BNC2: variants seen among roughly 807,000 people sequenced by gnomAD.
BNC2 encodes the protein zinc finger protein basonuclin-2.
A neutral mutation model predicts 76.3 loss-of-function variants in BNC2; 20 were observed. The ratio of observed to expected loss-of-function variants is 0.26; its 90% CI spans 0.18 to 0.38. The LOEUF (loss-of-function observed/expected upper bound fraction) is 0.38, where lower values mean the gene tolerates loss of function less well. BNC2 is among the 10% of genes least tolerant of loss of function. The pLI, the probability that BNC2 is intolerant of heterozygous loss-of-function variation, is 1.00. For missense variants in BNC2, 1,382 were observed against 1,399.8 expected (o/e 0.99, Z 0.20); for synonymous variants, 582 against 514.8 (o/e 1.13, Z -1.77).
chr9:16,415,107 CA>C lies in BNC2; in HGVS notation c.*3881del, dbSNP rs1479523593. The C allele has an allele frequency of 6.6e-6, 1 of 152,122 alleles. No homozygotes were observed. Among genetic ancestry groups the C allele is most frequent in the Non-Finnish European group, 1.5e-5 (1 of 68,020 alleles). The allele number at this position is 152,122 out of a possible 1,614,324, so 9.4% of individuals were successfully genotyped here. ...GCCATGTTGAAAAGGAAAACATTAA[CA>C]CCTTTAAACCTTTAAAAGGCATCAG... On this transcript the variant is annotated 3_prime_UTR_variant, in exon 7 of 7. Transcript: ENST00000380672.
chr9:16,548,196 T>C (rs1381820583), intron 5 of BNC2, among the ~76,000 whole-genome samples: 1 of 152,172 alleles, frequency 6.6e-6, no homozygotes. Flanking sequence ...AAGTCAGTTA[T>C]ACGTTCAAAC....
At chr9:16,475,616 T>C (rs1342273000) in intron 5 of BNC2, among the ~76,000 whole-genome samples, 1 of 152,230 alleles carries the variant, frequency 6.6e-6, no homozygotes, top group Non-Finnish European at 1.5e-5. Context: ...ATTAAAAACA[T>C]AGCAAACATT....
chr9:16,756,514 G>C (rs1319181158), intron 1 of BNC2, among the ~76,000 whole-genome samples: 1 of 152,134 alleles, frequency 6.6e-6, no homozygotes, highest in Non-Finnish European at 1.5e-5. Flanking sequence ...TCAAATTGCA[G>C]CTGAGGTTCC....
intron 3 of BNC2, among the ~76,000 whole-genome samples, chr9:16,631,739 A>T (rs1821167617): frequency 6.6e-6 from 1 of 152,206 alleles, no homozygotes; most frequent in Non-Finnish European, 1.5e-5. Context: ...GAAGGAGAAA[A>T]TTCAAATAAT....
rs559157202 is a variant in BNC2, at chr9:16,665,612, G to GTTT, written c.330+62182_330+62184dup. Among the ~76,000 whole-genome samples the GTTT allele has an allele frequency of 5.5e-4, 84 of 152,204 alleles. No individual in the cohort carries two copies. The East Asian group carries it at 0.013, about 24-fold the overall frequency. ...TTTATGCTACTAAGCATGAAAGTGT[G>GTTT]TTTAATATTTGACTAGCATCATGAA... On this transcript the variant is annotated intron_variant, in intron 3 of 6. Coordinates refer to ENST00000380672, the MANE Select transcript of BNC2 (RefSeq NM_017637.6).
intron 5 of BNC2, among the ~76,000 whole-genome samples, chr9:16,499,980 A>G (rs1822484681): frequency 6.6e-6 from 1 of 152,054 alleles, no homozygotes; most frequent in South Asian, 2.1e-4. Context: ...TTAAACCTTC[A>G]GTAATCCCAG....
At chr9:16,809,434 G>C (rs79232593) in intron 1 of BNC2, among the ~76,000 whole-genome samples, 2 of 152,084 alleles carry the variant, frequency 1.3e-5, no homozygotes, top group African/African-American at 4.8e-5. Flanking sequence ...GGGATGAGGA[G>C]CAAGAACTCT....
Position 16,658,365 on chromosome 9 carries a change from C to T in BNC2, c.330+69432G>A, listed in dbSNP as rs371143650. On this transcript the variant is annotated intron_variant, in intron 3 of 6. Coordinates refer to ENST00000380672, the MANE Select transcript of BNC2 (RefSeq NM_017637.6). ...AAAGAAAACAAAACTTTAAACAGCC[C>T]AGTATATTTTAGTCAATGTTCCTAA... Among the ~76,000 whole-genome samples, 44 of 152,142 alleles carry T rather than the reference C, an allele frequency of 2.9e-4. 1 individual carries two copies. The South Asian group carries it at 5.0e-3, about 17-fold the overall frequency.
intron 3 of BNC2, among the ~76,000 whole-genome samples, chr9:16,649,942 G>A (rs1203091492): frequency 6.6e-6 from 1 of 152,160 alleles, no homozygotes; most frequent in Non-Finnish European, 1.5e-5. Context: ...CATTTTCAAA[G>A]TGTGGGCTAG....
chr9:16,859,896 A>T (rs112558070), intron 1 of BNC2, among the ~76,000 whole-genome samples: 1 of 152,242 alleles, frequency 6.6e-6, no homozygotes, highest in Non-Finnish European at 1.5e-5. Flanking sequence ...CAAGGCGGGC[A>T]GAATGCTGAG....
rs142872531 is a variant in BNC2, at chr9:16,436,376, C to T, written c.1818G>A (p.Pro606=). ...CTGGCACTACTGGCTCAGAGGGTGG[C>T]GGGGGGTGCTGCTCTATGGTACCAC... ...PTSGTIEQHP[P]PPSEPVVPAV... is the part of the protein sequence containing the mutation. Residue 606 remains proline (P), a synonymous_variant, in exon 6 of 7, where the codon CCG becomes CCA. Transcript: ENST00000380672. 118 of 1,613,974 alleles carry T rather than the reference C, an allele frequency of 7.3e-5. 2 individuals are homozygous for T. The African/African-American group carries it at 9.3e-4, about 13-fold the overall frequency.
chr9:16,838,835 T>G (rs1563965409), intron 1 of BNC2, among the ~76,000 whole-genome samples: 1 of 152,190 alleles, frequency 6.6e-6, no homozygotes, highest in Non-Finnish European at 1.5e-5. Context: ...GGTTGGGTGA[T>G]TCCAACATGA....
At chr9:16,681,924 T>C (rs1775801991) in intron 3 of BNC2, among the ~76,000 whole-genome samples, 1 of 151,894 alleles carries the variant, frequency 6.6e-6, no homozygotes, top group East Asian at 1.9e-4. Context: ...AAGAGGGGGT[T>C]GGGGGACCGG....
At position 16,654,772 on chromosome 9, in the gene BNC2, C is replaced by T. The variant is rs570050741; in HGVS notation, c.331-71687G>A. ...CCAAGTCAGATAAGAAGGTTTTGGA[C>T]AGTGTATTCTGTTCTAAATATTTTA... On this transcript the variant is annotated intron_variant, in intron 3 of 6. Transcript: ENST00000380672. Among the ~76,000 whole-genome samples, 6 of 152,154 alleles carry T rather than the reference C, an allele frequency of 3.9e-5. No homozygotes were observed. In the East Asian group the frequency reaches 1.2e-3, roughly 29 times the overall value.
chr9:16,800,138 T>C (rs2135742583), intron 1 of BNC2, among the ~76,000 whole-genome samples: 1 of 151,268 alleles, frequency 6.6e-6, no homozygotes, highest in Middle Eastern at 3.4e-3. Flanking sequence ...GGCAGGAGAA[T>C]CACTTGAGCT....
intron 6 of BNC2, among the ~76,000 whole-genome samples, chr9:16,425,026 A>T (rs1166581068): frequency 1.3e-5 from 2 of 152,212 alleles, no homozygotes; most frequent in East Asian, 3.9e-4. Flanking sequence ...CTAGCTCAGG[A>T]AGAAAATTCA....
intron 3 of BNC2, among the ~76,000 whole-genome samples, chr9:16,655,430 T>A (rs370713219): frequency 1.3e-5 from 2 of 152,222 alleles, no homozygotes; most frequent in South Asian, 2.1e-4. Context: ...CAGGTAACTA[T>A]CTTGGAAATC....
At chr9:16,618,839 C>G (rs1398217779) in intron 3 of BNC2, among the ~76,000 whole-genome samples, 1 of 152,182 alleles carries the variant, frequency 6.6e-6, no homozygotes, top group African/African-American at 2.4e-5. Context: ...ACAGTTGCAG[C>G]TCAAACAGTC....
At chr9:16,653,420 T>C (rs1046040693) in intron 3 of BNC2, among the ~76,000 whole-genome samples, 6 of 152,118 alleles carry the variant, frequency 3.9e-5, no homozygotes, top group East Asian at 1.9e-4. Flanking sequence ...ATATACACCA[T>C]TGCCCAGACA....
Sources: gnomAD v4.1 joint callset for allele counts (sites outside exome capture counted in the v4.1 genomes callset) on GRCh38, gnomAD v4.1.1 for gene constraint, MANE v1.5 for transcripts, NCBI Gene and HGNC (gene_info 2026-07-23, HGNC 2026-07-21) for gene names.